Variants in ICA1 observed in about 807,000 individuals in gnomAD.
The protein encoded by ICA1 is 69 kDa islet cell autoantigen.
ICA1 carries 40 observed loss-of-function variants against 71.0 expected under a neutral mutation model. The observed-to-expected ratio is 0.56, with a 90% CI of 0.44 to 0.73. ICA1 has a LOEUF of 0.73. Among genes scored for constraint, ICA1 ranks in the 30% least tolerant of loss-of-function variants. The probability of loss-of-function intolerance (pLI) is 0.00; values close to 1 mark genes in which losing one functional copy is unlikely to be tolerated. For missense variants in ICA1, 578 were observed against 576.5 expected (o/e 1.00, Z -0.03); for synonymous variants, 207 against 209.5 (o/e 0.99, Z 0.10).
intron 6 of ICA1, among the ~76,000 whole-genome samples, chr7:8,166,169 C>G (rs1326596959): frequency 6.6e-6 from 1 of 152,144 alleles, no homozygotes; most frequent in Admixed American, 6.6e-5. Flanking sequence ...TATTAATTAC[C>G]AGTAAAACGT....
At chr7:8,143,513 T>C (rs556919054) in intron 9 of ICA1, among the ~76,000 whole-genome samples, 37 of 152,284 alleles carry the variant, frequency 2.4e-4, no homozygotes, top group Non-Finnish European at 4.3e-4. Context: ...TAGAAGAGCA[T>C]CTAGTGTTGA....
chr7:8,171,562 T>C (rs550875214), intron 6 of ICA1, among the ~76,000 whole-genome samples: 126 of 151,004 alleles, frequency 8.3e-4, no homozygotes, highest in African/African-American at 3.0e-3. Context: ...ATCAATGTTA[T>C]TGATCTTTTC....
At position 8,113,876 on chromosome 7, in the gene ICA1, G is replaced by A; in HGVS notation, c.*47C>T. The A allele has an allele frequency of 1.9e-6, 3 of 1,602,390 alleles. No individual in the cohort carries two copies. Among genetic ancestry groups the A allele is most frequent in the Non-Finnish European group, 2.6e-6 (3 of 1,169,544 alleles). ...CTTTATACTTCTGCTAGCCCCCAGG[G>A]GAGCTGCTGGGGGCGGCATGTGAGT... On this transcript the variant is annotated 3_prime_UTR_variant, in exon 14 of 14. Transcript: ENST00000402384. This position sits in a 1 kb window ranked among gnomAD's most constrained non-coding sequence, Gnocchi z 4.2.
chr7:8,146,745 G>GTGCA (rs1797078295), intron 8 of ICA1, among the ~76,000 whole-genome samples: 12 of 542 alleles, frequency 0.022, no homozygotes, highest in South Asian at 0.1. Context: ...GCGTGTGCGT[G>GTGCA]TGTGTGTGTG....
chr7:8,146,709 A>C (rs1325720141), intron 8 of ICA1, among the ~76,000 whole-genome samples: 1 of 149,856 alleles, frequency 6.7e-6, no homozygotes, highest in South Asian at 2.1e-4. Context: ...TTCCAGTGAA[A>C]GTCAGGCACG....
chr7:8,131,919 G>T (rs1791586738), intron 12 of ICA1, among the ~76,000 whole-genome samples: 1 of 152,186 alleles, frequency 6.6e-6, no homozygotes, highest in Non-Finnish European at 1.5e-5. Flanking sequence ...TGGAGTCAGG[G>T]CTTCCACCCA....
intron 6 of ICA1, among the ~76,000 whole-genome samples, chr7:8,170,671 A>C (rs977411021): frequency 6.6e-6 from 1 of 151,994 alleles, no homozygotes; most frequent in Non-Finnish European, 1.5e-5. Flanking sequence ...GTATACTGTG[A>C]CCTTGCAAAA....
chr7:8,129,652 G>A (rs920515887), intron 12 of ICA1, among the ~76,000 whole-genome samples: 8 of 152,216 alleles, frequency 5.3e-5, no homozygotes, highest in Non-Finnish European at 1.2e-4. Context: ...TGGGTGAGAA[G>A]ATGGGGCAAA....
intron 1 of ICA1, among the ~76,000 whole-genome samples, chr7:8,260,208 A>G (rs1811762495): frequency 6.6e-6 from 1 of 152,156 alleles, no homozygotes; most frequent in Non-Finnish European, 1.5e-5. Context: ...CCATACCGCT[A>G]ATGCTGCTTG....
chr7:8,214,996 C>G (rs1648779757), intron 6 of ICA1, among the ~76,000 whole-genome samples: 1 of 152,252 alleles, frequency 6.6e-6, no homozygotes, highest in Middle Eastern at 3.4e-3. Context: ...TCTACCTCCC[C>G]CTTCATTTCA....
chr7:8,182,498 A>G (rs1049493144), intron 6 of ICA1, among the ~76,000 whole-genome samples: 20 of 152,182 alleles, frequency 1.3e-4, no homozygotes, highest in African/African-American at 3.6e-4. Context: ...CTGGAAACAG[A>G]AGTCATTAAA....
chr7:8,231,128 T>C (rs955798350), intron 3 of ICA1, among the ~76,000 whole-genome samples: 1 of 152,074 alleles, frequency 6.6e-6, no homozygotes, highest in Non-Finnish European at 1.5e-5. Flanking sequence ...CGAAACAGCG[T>C]GACCTTTAGG....
At chr7:8,129,878 G>A (rs187029255) in intron 12 of ICA1, among the ~76,000 whole-genome samples, 1,115 of 109,860 alleles carry the variant, frequency 0.01, 21 homozygotes, top group African/African-American at 0.039. Context: ...AACAGTCCCC[G>A]GTGTGTGATG....
At chr7:8,230,611 T>C (rs1001108932) in intron 3 of ICA1, among the ~76,000 whole-genome samples, 8 of 152,240 alleles carry the variant, frequency 5.3e-5, no homozygotes, top group Non-Finnish European at 1.0e-4. Flanking sequence ...ATGTTTAATA[T>C]ATTTGTAATT....
At position 8,235,977 on chromosome 7, in the gene ICA1, A is replaced by G. The variant is rs774060238; in HGVS notation, c.-51T>C. ...GATTTGGGGAGAAGGGGCAGGAAAA[A>G]AGCATGAGAGGATAAGTTATATTAT... is the stretch of plus-strand genomic sequence containing the variant. On this transcript the variant is annotated 5_prime_UTR_variant, in exon 2 of 14. Coordinates refer to ENST00000402384, the MANE Select transcript of ICA1 (RefSeq NM_001136020.3). The G allele has an allele frequency of 1.6e-5, 25 of 1,579,954 alleles. No individual in the cohort carries two copies. The highest frequency in any genetic ancestry group is 2.2e-5 in the Non-Finnish European group (25 of 1,150,816).
chr7:8,169,927 T>TGTGTGTG (rs1562810946), intron 6 of ICA1, among the ~76,000 whole-genome samples: 1 of 151,406 alleles, frequency 6.6e-6, no homozygotes. Flanking sequence ...TGTGTGTGTG[T>TGTGTGTG]TTTAATGCCT....
intron 6 of ICA1, among the ~76,000 whole-genome samples, chr7:8,160,838 AAG>A (rs1322451635): frequency 6.6e-6 from 1 of 152,216 alleles, no homozygotes; most frequent in Non-Finnish European, 1.5e-5. Context: ...TGACTATAAA[AAG>A]AGTCTAGGAT....
rs536564967 is a variant in ICA1, at chr7:8,160,006, G to C, written c.580-1354C>G. 2.0e-5 allele frequency among the ~76,000 whole-genome samples: 3 copies of C among 152,028 alleles called. No individual in the cohort carries two copies. The South Asian group carries it at 6.2e-4, about 32-fold the overall frequency. ...TGTATTAATAATTCTTTCATCATAG[G>C]ATACCAGGAGGGCATGGACCATGTC... On this transcript the variant is annotated intron_variant, in intron 6 of 13. Coordinates refer to ENST00000402384, the MANE Select transcript of ICA1 (RefSeq NM_001136020.3).
chr7:8,158,715 G>A lies in ICA1; in HGVS notation c.580-63C>T, dbSNP rs1209051934. On this transcript the variant is annotated intron_variant, in intron 6 of 13. Coordinates refer to ENST00000402384, the MANE Select transcript of ICA1 (RefSeq NM_001136020.3). ...CCTTAAGTAGGTAAAATTTGCAGGT[G>A]AAATGAGACCAACAGCAGGCCTTTT... is the stretch of plus-strand genomic sequence containing the variant. The A allele has an allele frequency of 3.3e-6, 5 of 1,524,968 alleles. No homozygotes were observed. The African/African-American group carries it at 5.6e-5, about 17-fold the overall frequency. The allele number at this position is 1,524,968 out of a possible 1,614,324, so 94.5% of individuals were successfully genotyped here.
Sources: allele counts gnomAD v4.1 joint callset (sites outside exome capture counted in the v4.1 genomes callset), GRCh38; gene constraint gnomAD v4.1.1; non-coding constraint Gnocchi (gnomAD v3.1); transcripts MANE v1.5; gene names NCBI Gene and HGNC (gene_info 2026-07-23, HGNC 2026-07-21).